The following LYPD1 variants were observed in gnomAD, a reference collection of about 807,000 sequenced individuals.
The protein encoded by LYPD1 is ly6/PLAUR domain-containing protein 1.
Under a neutral mutation model 14.2 loss-of-function variants are expected in LYPD1, and 14 were observed. The ratio of observed to expected loss-of-function variants is 0.99; its 90% CI spans 0.65 to 1.54. The LOEUF is 1.54. Among genes scored for constraint, LYPD1 ranks in the 40% most tolerant of loss-of-function variants. LYPD1 has a pLI of 0.00. For synonymous variants in LYPD1, 85 were observed against 70.6 expected, an observed-to-expected ratio of 1.20 and a Z score of -1.02; for missense variants, 165 against 175.7, an observed-to-expected ratio of 0.94 and a Z score of 0.34.
rs759232358 is a variant in LYPD1, at chr2:132,645,310, G to C, written c.*735C>G. ...CTCGCAGCAGTTTCGGCGGGTGTTC[G>C]TGCAGGTGCTGTGCTGCCGCCTGTC... On this transcript the variant is annotated 3_prime_UTR_variant, in exon 3 of 3. Coordinates refer to ENST00000397463, the MANE Select transcript of LYPD1 (RefSeq NM_144586.7). 5.0e-6 allele frequency: 8 copies of C among 1,614,176 alleles called. No individual in the cohort carries two copies. Among genetic ancestry groups the C allele is most frequent in the Non-Finnish European group, 6.8e-6 (8 of 1,180,026 alleles).
chr2:132,662,635 T>G (rs1322934630), intron 2 of LYPD1, among the ~76,000 whole-genome samples: 2 of 152,140 alleles, frequency 1.3e-5, no homozygotes, highest in African/African-American at 4.8e-5. Context: ...ACTGTCTCTC[T>G]CAAAGGCTGT....
At position 132,645,866 on chromosome 2, in the gene LYPD1, A is replaced by ATTTATT. The variant is rs1202061537; in HGVS notation, c.*173_*178dup. ...CATACTGAAAATTCAGTCAGGCTGA[A>ATTTATT]TTTATTCAGAATGCTTTACCGAGCT... On this transcript the variant is annotated 3_prime_UTR_variant, in exon 3 of 3. Transcript: ENST00000397463. 9.1e-6 allele frequency: 6 copies of ATTTATT among 659,398 alleles called. No homozygotes were observed. The Admixed American group carries it at 9.9e-5, about 11-fold the overall frequency. The allele number at this position is 659,398 out of a possible 1,614,324, so 40.8% of individuals were successfully genotyped here.
At chr2:132,649,320 G>A (rs1682264780) in intron 2 of LYPD1, among the ~76,000 whole-genome samples, 1 of 152,180 alleles carries the variant, frequency 6.6e-6, no homozygotes, top group Non-Finnish European at 1.5e-5. Flanking sequence ...GGCATGGGAT[G>A]GGGCTGAGTG....
chr2:132,655,796 G>A (rs1294922521), intron 2 of LYPD1, among the ~76,000 whole-genome samples: 1 of 152,122 alleles, frequency 6.6e-6, no homozygotes, highest in Non-Finnish European at 1.5e-5. Context: ...TTACAGGCGT[G>A]AGCCACCGCA....
At chr2:132,665,241 T>C (rs1407805950) in intron 2 of LYPD1, among the ~76,000 whole-genome samples, 1 of 152,250 alleles carries the variant, frequency 6.6e-6, no homozygotes, top group Non-Finnish European at 1.5e-5. Context: ...TCCAGAAAAC[T>C]GAAGGCCTAT....
intron 2 of LYPD1, among the ~76,000 whole-genome samples, chr2:132,650,012 C>T (rs368797309): frequency 1.4e-3 from 216 of 151,754 alleles, no homozygotes; most frequent in African/African-American, 4.9e-3. Context: ...ATATGTAAGA[C>T]AAAAAGACAA....
chr2:132,670,109 G>T lies in LYPD1; in HGVS notation c.-177C>A. ...AGGTGCCGCTCGCGGAGCCTGCATC[G>T]CCCGCGCTCGGGCTCCCGGCTGCGG... On this transcript the variant is annotated 5_prime_UTR_variant, in exon 1 of 3. Transcript: ENST00000397463. The surrounding 1 kb of genome is among the most constrained non-coding windows in gnomAD (Gnocchi z 4.5). The T allele has an allele frequency of 3.5e-6, 5 of 1,429,084 alleles. No individual in the cohort carries two copies. The highest frequency in any genetic ancestry group is 2.9e-5 in the South Asian group (2 of 69,210). 88.5% of individuals were successfully genotyped at this position (1,429,084 alleles called of 1,614,324 possible). A position where few individuals can be genotyped will look rare whatever the true frequency, so the allele number is the denominator to read the frequency against.
intron 2 of LYPD1, among the ~76,000 whole-genome samples, chr2:132,649,811 T>G (rs1682281398): frequency 6.6e-6 from 1 of 152,066 alleles, no homozygotes; most frequent in Non-Finnish European, 1.5e-5. Flanking sequence ...TCCAAGTAGA[T>G]CTAAGATTTA....
intron 2 of LYPD1, among the ~76,000 whole-genome samples, chr2:132,649,406 C>T (rs757398667): frequency 8.5e-5 from 13 of 152,102 alleles, no homozygotes; most frequent in Non-Finnish European, 1.9e-4. Flanking sequence ...AATAAGCCAC[C>T]TCTCCCATGG....
chr2:132,652,006 T>G (rs995498524), intron 2 of LYPD1, among the ~76,000 whole-genome samples: 14 of 152,190 alleles, frequency 9.2e-5, no homozygotes, highest in African/African-American at 3.1e-4. Flanking sequence ...GGCTGGGTTC[T>G]AGCTGGACAT....
Position 132,669,826 on chromosome 2 carries a change from G to A in LYPD1, c.52+55C>T. ...GCGCCTTGGGGGCAAAAGGGCTGGCGGGTAGATGGATTGTGCGCACCTGGC... is the reference window on the plus strand; with the variant it reads ...GCGCCTTGGGGGCAAAAGGGCTGGCAGGTAGATGGATTGTGCGCACCTGGC... On this transcript the variant is annotated intron_variant, in intron 1 of 2. Transcript: ENST00000397463. The surrounding 1 kb of genome is among the most constrained non-coding windows in gnomAD (Gnocchi z 4.3). 6.2e-7 allele frequency: 1 copy of A among 1,601,490 alleles called. No individual in the cohort carries two copies.
chr2:132,656,914 G>A (rs930768284), intron 2 of LYPD1, among the ~76,000 whole-genome samples: 4 of 152,162 alleles, frequency 2.6e-5, no homozygotes, highest in African/African-American at 4.8e-5. Context: ...TGGTAGAACT[G>A]AAAATTGAGA....
chr2:132,645,103 C>G lies in LYPD1; in HGVS notation c.*942G>C, dbSNP rs1558870282. On this transcript the variant is annotated 3_prime_UTR_variant, in exon 3 of 3. Transcript: ENST00000397463. ...CCCTCCTGCTCGTGTCTGCCCAGGGCTGATTGTTGTGACATTGGCCGTATG... is the reference window on the plus strand; with the variant it reads ...CCCTCCTGCTCGTGTCTGCCCAGGGGTGATTGTTGTGACATTGGCCGTATG... 1.2e-6 allele frequency: 2 copies of G among 1,611,156 alleles called. No individual in the cohort carries two copies. The highest frequency in any genetic ancestry group is 1.7e-5 in the Admixed American group (1 of 59,930).
At chr2:132,646,585 C>CTGTGTACAAGACACAGCTTTT (rs1682099983) in intron 2 of LYPD1, 2 of 274,342 alleles carry the variant, frequency 7.3e-6, no homozygotes, top group African/African-American at 4.4e-5. Flanking sequence ...AGAGTTCACA[C>CTGTGTACAAGACACAGCTTTT]TGTGTACAAG....
intron 1 of LYPD1, 61 bp from the exon 2 acceptor site, chr2:132,668,598 C>G: frequency 6.3e-7 from 1 of 1,589,160 alleles, no homozygotes; most frequent in Non-Finnish European, 8.5e-7. Context: ...CCGGAAATCA[C>G]GACCATCCCA....
In LYPD1 at chr2:132,645,026, GT is replaced by G; in HGVS notation, c.*1018del. On this transcript the variant is annotated 3_prime_UTR_variant, in exon 3 of 3. Transcript: ENST00000397463. Reference sequence around the variant, plus strand: ...GAACAGAGGGGCTAAATATTTTATGGTTTTATTCATTTACTGTGTTCTCATG... The same window carrying G: ...GAACAGAGGGGCTAAATATTTTATGGTTTATTCATTTACTGTGTTCTCATG... The G allele has an allele frequency of 6.7e-7, 1 of 1,500,038 alleles. No individual in the cohort carries two copies. Among genetic ancestry groups the G allele is most frequent in the Non-Finnish European group, 9.0e-7 (1 of 1,110,672 alleles). 92.9% of individuals were successfully genotyped at this position (1,500,038 alleles called of 1,614,324 possible). A position where few individuals can be genotyped will look rare whatever the true frequency, so the allele number is the denominator to read the frequency against.
chr2:132,669,879 AC>A lies in LYPD1; in HGVS notation c.52+1del. 1.2e-6 allele frequency: 2 copies of A among 1,612,484 alleles called. No individual in the cohort carries two copies. Among genetic ancestry groups the A allele is most frequent in the Non-Finnish European group, 1.7e-6 (2 of 1,179,208 alleles). ...CGGCTGCTGGCCTCTGGGTATTCTC[AC>A]CTGGAAGCAAGAACAATCCGCAAAA... is the stretch of plus-strand genomic sequence containing the variant. On this transcript the variant is annotated splice_donor_variant, in intron 1 of 2. Coordinates refer to ENST00000397463, the MANE Select transcript of LYPD1 (RefSeq NM_144586.7). LOFTEE classifies it high-confidence loss of function. This position sits in a 1 kb window ranked among gnomAD's most constrained non-coding sequence, Gnocchi z 4.3.
chr2:132,659,795 T>G (rs1573743974), intron 2 of LYPD1, among the ~76,000 whole-genome samples: 1 of 152,224 alleles, frequency 6.6e-6, no homozygotes, highest in South Asian at 2.1e-4. Context: ...CCACTTTGGA[T>G]GTCTTCACTG....
chr2:132,657,833 G>A (rs375181034), intron 2 of LYPD1, among the ~76,000 whole-genome samples: 2 of 152,046 alleles, frequency 1.3e-5, no homozygotes, highest in South Asian at 2.1e-4. Flanking sequence ...GGTGATTTTC[G>A]GGAAAGAAAA....
Sources: gnomAD v4.1 joint callset for allele counts (sites outside exome capture counted in the v4.1 genomes callset) on GRCh38, gnomAD v4.1.1 for gene constraint, Gnocchi (gnomAD v3.1) non-coding constraint, MANE v1.5 for transcripts, NCBI Gene and HGNC (gene_info 2026-07-23, HGNC 2026-07-21) for gene names.